Variants in NBAS observed in about 807,000 individuals in gnomAD.
NBAS encodes NAG/BC035112 fusion.
NBAS carries 219 observed loss-of-function variants against 302.5 expected under a neutral mutation model. That is an observed-to-expected ratio of 0.72 (90% CI 0.65 to 0.81). The LOEUF (loss-of-function observed/expected upper bound fraction) is 0.81. Among genes scored for constraint, NBAS ranks in the 30% least tolerant of loss-of-function variants. The probability of loss-of-function intolerance (pLI) is 0.00; values close to 1 mark genes in which losing one functional copy is unlikely to be tolerated. For missense variants in NBAS, 2,932 were observed against 2,841.6 expected (o/e 1.03, Z -0.72); for synonymous variants, 1,118 against 1,021.6 (o/e 1.09, Z -1.80).
At chr2:15,178,961 A>G (rs1664688584) in intron 51 of NBAS, 27 bp downstream of exon 51, 1 of 1,612,494 alleles carries the variant, frequency 6.2e-7, no homozygotes. Context: ...AAAAAAAAAG[A>G]AAGAAAGTAA....
the NBAS span, among the ~76,000 whole-genome samples, chr2:14,963,624 A>G: frequency 2.0e-5 from 3 of 152,202 alleles, no homozygotes; most frequent in Non-Finnish European, 4.4e-5. Flanking sequence ...CCAGCACCCA[A>G]TTAAAACCTT....
the NBAS span, among the ~76,000 whole-genome samples, chr2:14,883,718 C>T: frequency 6.6e-6 from 1 of 152,156 alleles, no homozygotes; most frequent in Non-Finnish European, 1.5e-5. Context: ...CACCTGTAAT[C>T]CTAGCACTTT....
Position 15,402,157 on chromosome 2 carries a change from T to C in NBAS, c.3071+11A>G. Reference sequence around the variant, plus strand: ...AAAACACAATAAGACTGGCATACTGTGTATTCTTACCCATATCCTCTTTCT... The same window carrying C: ...AAAACACAATAAGACTGGCATACTGCGTATTCTTACCCATATCCTCTTTCT... On this transcript the variant is annotated intron_variant, in intron 26 of 51. Coordinates refer to ENST00000281513, the MANE Select transcript of NBAS (RefSeq NM_015909.4). The C allele has an allele frequency of 6.2e-7, 1 of 1,613,396 alleles. No homozygotes were observed. The highest frequency in any genetic ancestry group is 1.1e-5 in the South Asian group (1 of 91,062).
the NBAS span, among the ~76,000 whole-genome samples, chr2:14,947,965 A>C: frequency 6.6e-6 from 1 of 152,074 alleles, no homozygotes; most frequent in Non-Finnish European, 1.5e-5. Context: ...CCCTGGGATG[A>C]GTCCAGTTTG....
the NBAS span, among the ~76,000 whole-genome samples, chr2:14,841,950 A>G: frequency 6.6e-6 from 1 of 152,022 alleles, no homozygotes; most frequent in Non-Finnish European, 1.5e-5. Context: ...ATGCAAAACA[A>G]GTCTCAAACA....
At chr2:15,550,155 C>T (rs1664309611) in intron 6 of NBAS, among the ~76,000 whole-genome samples, 2 of 151,956 alleles carry the variant, frequency 1.3e-5, no homozygotes, top group South Asian at 2.1e-4. Flanking sequence ...GAGTGAGGCC[C>T]TATCTCAAAA....
chr2:15,358,212 T>TA (rs1370810068), intron 32 of NBAS, among the ~76,000 whole-genome samples: 1 of 152,088 alleles, frequency 6.6e-6, no homozygotes, highest in Non-Finnish European at 1.5e-5. Flanking sequence ...CGGCATACTT[T>TA]ACCACAGATA....
At chr2:15,500,490 A>G (rs1309245103) in intron 11 of NBAS, among the ~76,000 whole-genome samples, 1 of 144,136 alleles carries the variant, frequency 6.9e-6, no homozygotes, top group African/African-American at 2.6e-5. Flanking sequence ...ACACCATTAT[A>G]TTTTAGAAGT....
At chr2:15,100,830 G>C in the NBAS span, among the ~76,000 whole-genome samples, 1 of 152,304 alleles carries the variant, frequency 6.6e-6, no homozygotes, top group Admixed American at 6.5e-5. Context: ...TAGTTGGTGT[G>C]TCAACTATAA....
intron 28 of NBAS, among the ~76,000 whole-genome samples, chr2:15,388,192 T>C (rs199844576): frequency 6.6e-6 from 1 of 152,198 alleles, no homozygotes; most frequent in East Asian, 1.9e-4. Context: ...ATCTCAACAA[T>C]GTTTCATAAT....
the NBAS span, among the ~76,000 whole-genome samples, chr2:14,867,137 A>G: frequency 2.0e-5 from 3 of 152,188 alleles, no homozygotes; most frequent in African/African-American, 4.8e-5. Flanking sequence ...ACAACTTGAT[A>G]TATCATTAAG....
rs1017827309 is a variant in NBAS, at chr2:15,343,566, G to A, written c.4179+8426C>T. On this transcript the variant is annotated intron_variant, in intron 35 of 51. Coordinates refer to ENST00000281513, the MANE Select transcript of NBAS (RefSeq NM_015909.4). ...TTTAAAATCTACTAAGAAAGAATAA[G>A]TATCATAAGATAAAGAAAACAAAAC... Among the ~76,000 whole-genome samples the A allele has an allele frequency of 9.2e-5, 14 of 152,130 alleles. No homozygotes were observed. The South Asian group carries it at 2.9e-3, about 32-fold the overall frequency.
intron 25 of NBAS, among the ~76,000 whole-genome samples, chr2:15,411,249 A>C (rs1298044155): frequency 6.6e-6 from 1 of 152,056 alleles, no homozygotes; most frequent in Non-Finnish European, 1.5e-5. Context: ...TTCACCTTCT[A>C]TCTCAAGATA....
At chr2:15,467,566 G>T (rs1679777253) in intron 18 of NBAS, 98 bp downstream of exon 18, 2 of 1,347,548 alleles carry the variant, frequency 1.5e-6, no homozygotes, top group Admixed American at 1.8e-5. Context: ...GATCTAAGTT[G>T]CTAAAATAAT....
At chr2:15,330,803 A>G in intron 35 of NBAS, 38 bp from the exon 36 acceptor site, 3 of 1,605,668 alleles carry the variant, frequency 1.9e-6, no homozygotes, top group Non-Finnish European at 2.6e-6. Flanking sequence ...GCAAAAATGC[A>G]TTACCATAAG....
At chr2:14,976,936 A>C in the NBAS span, among the ~76,000 whole-genome samples, 1 of 152,226 alleles carries the variant, frequency 6.6e-6, no homozygotes, top group African/African-American at 2.4e-5. Flanking sequence ...CAGAATAGTA[A>C]GAAAATAAAT....
intron 11 of NBAS, among the ~76,000 whole-genome samples, chr2:15,489,769 T>C (rs1238264486): frequency 1.3e-5 from 2 of 152,146 alleles, no homozygotes; most frequent in Non-Finnish European, 2.9e-5. Flanking sequence ...ACACAAACCA[T>C]ATGAGCAGAA....
chr2:15,525,910 C>G (rs754289469), intron 9 of NBAS, among the ~76,000 whole-genome samples: 26 of 152,038 alleles, frequency 1.7e-4, no homozygotes, highest in Non-Finnish European at 2.9e-5. Context: ...TTGATCTGAA[C>G]CTAACTCATT....
At chr2:14,994,801 G>T in the NBAS span, among the ~76,000 whole-genome samples, 2 of 152,164 alleles carry the variant, frequency 1.3e-5, no homozygotes, top group Non-Finnish European at 2.9e-5. Context: ...CCTGCCCTTA[G>T]CACACGCTGA....
Sources: gnomAD v4.1 joint callset for allele counts (sites outside exome capture counted in the v4.1 genomes callset) on GRCh38, gnomAD v4.1.1 for gene constraint, MANE v1.5 for transcripts, NCBI Gene and HGNC (gene_info 2026-07-23, HGNC 2026-07-21) for gene names.